ALPK2: variants seen among roughly 807,000 people sequenced by gnomAD.
ALPK2 encodes the protein alpha-protein kinase 2.
A neutral mutation model predicts 163.1 loss-of-function variants in ALPK2; 127 were observed. That is an observed-to-expected ratio of 0.78 (90% CI 0.67 to 0.90). The LOEUF is 0.90. Among genes scored for constraint, ALPK2 ranks in the 40% least tolerant of loss-of-function variants. ALPK2 has a pLI of 0.00. For missense variants in ALPK2, 2,360 were observed against 2,589.6 expected, an observed-to-expected ratio of 0.91 and a Z score of 1.92; for synonymous variants, 953 against 959.1, an observed-to-expected ratio of 0.99 and a Z score of 0.12.
At chr18:58,557,700 ATTTATATTTTGT>A (rs1568084935) in intron 4 of ALPK2, among the ~76,000 whole-genome samples, 371 of 145,514 alleles carry the variant, frequency 2.5e-3, no homozygotes, top group African/African-American at 9.1e-3. Flanking sequence ...ATATATATAT[ATTTATATTTTGT>A]CATTGGATTG....
Position 58,578,998 on chromosome 18 carries a change from C to T in ALPK2, c.1778G>A (p.Arg593Gln), listed in dbSNP as rs759431546. The change falls in exon 4 of 13, where the codon CGG becomes CAG. Residue 593 changes from arginine to glutamine, a missense_variant. By Grantham distance (43) the Arg-to-Gln change is conservative (BLOSUM62 1). Transcript: ENST00000361673. Reference sequence around the variant, plus strand: ...TTCTCTTGCATCAGCATGGGAACTCCGACCAGTCGCTGCTGCTGTGGTGTG... The same window carrying T: ...TTCTCTTGCATCAGCATGGGAACTCTGACCAGTCGCTGCTGCTGTGGTGTG... Reference protein sequence around the residue: ...TSHTTAAATGRSSHADARECA... With the variant: ...TSHTTAAATGQSSHADARECA... 25 of 1,614,068 alleles carry T rather than the reference C, an allele frequency of 1.5e-5. No individual in the cohort carries two copies. The East Asian group carries it at 2.0e-4, about 13-fold the overall frequency.
chr18:58,518,864 A>C (rs562563004), intron 8 of ALPK2, among the ~76,000 whole-genome samples: 2 of 152,190 alleles, frequency 1.3e-5, no homozygotes, highest in African/African-American at 4.8e-5. Context: ...TTTGTTGTAG[A>C]TGCTGTATAA....
chr18:58,593,237 C>G (rs930906930), intron 3 of ALPK2, among the ~76,000 whole-genome samples: 6 of 152,100 alleles, frequency 3.9e-5, no homozygotes, highest in Non-Finnish European at 7.3e-5. Context: ...TTTGCTGTGA[C>G]CCCAAAACTG....
chr18:58,623,866 A>C (rs1349706348), intron 1 of ALPK2, among the ~76,000 whole-genome samples: 2 of 151,918 alleles, frequency 1.3e-5, no homozygotes, highest in Non-Finnish European at 2.9e-5. Context: ...TTTTTTTTAA[A>C]TTTTTTCTGG....
chr18:58,513,557 A>G (rs2051505557), intron 10 of ALPK2, among the ~76,000 whole-genome samples: 1 of 152,170 alleles, frequency 6.6e-6, no homozygotes, highest in African/African-American at 2.4e-5. Context: ...TCAATTATTT[A>G]CAATTTTGTG....
At position 58,511,887 on chromosome 18, in the gene ALPK2, C is replaced by G. The variant is rs534977611; in HGVS notation, c.6029+3106G>C. 8 of 152,334 alleles carry G rather than the reference C, an allele frequency of 5.3e-5. No individual in the cohort carries two copies. In the East Asian group the frequency reaches 1.5e-3, roughly 29 times the overall value. The allele number at this position is 152,334 out of a possible 1,614,324, so 9.4% of individuals were successfully genotyped here. A position where few individuals can be genotyped will look rare whatever the true frequency, so the allele number is the denominator to read the frequency against. On this transcript the variant is annotated intron_variant, in intron 10 of 12. Transcript: ENST00000361673. The stretch of plus-strand genomic sequence containing the variant: ...AGCCAGAACAGTGTCCTTCTAGAAC[C>G]CCACCCCTGGACACAAGGCCCCTCT...
At chr18:58,492,230 A>G (rs1306677246) in intron 12 of ALPK2, among the ~76,000 whole-genome samples, 1 of 152,100 alleles carries the variant, frequency 6.6e-6, no homozygotes, top group Non-Finnish European at 1.5e-5. Flanking sequence ...GCACACACAT[A>G]CACAGGGACA....
chr18:58,531,790 T>C (rs918599172), intron 5 of ALPK2, among the ~76,000 whole-genome samples: 6 of 151,292 alleles, frequency 4.0e-5, no homozygotes, highest in Non-Finnish European at 7.4e-5. Context: ...ATACAAAAAT[T>C]AGCTGGGCAT....
chr18:58,551,432 C>T (rs544171281), intron 4 of ALPK2, among the ~76,000 whole-genome samples: 13 of 152,342 alleles, frequency 8.5e-5, no homozygotes, highest in African/African-American at 3.1e-4. Context: ...CGTGTGTCCT[C>T]TCCTCTTCTT....
intron 3 of ALPK2, among the ~76,000 whole-genome samples, chr18:58,604,857 CCTT>C (rs1356040667): frequency 2.0e-5 from 3 of 152,270 alleles, no homozygotes; most frequent in East Asian, 1.9e-4. Flanking sequence ...CCAAGTTTCT[CCTT>C]CTGCTTTGTA....
At chr18:58,492,306 A>G (rs747362361) in intron 12 of ALPK2, among the ~76,000 whole-genome samples, 1 of 152,024 alleles carries the variant, frequency 6.6e-6, no homozygotes, top group Middle Eastern at 3.2e-3. Context: ...ACACGCACAC[A>G]TTCCCCACAC....
chr18:58,626,012 A>G lies in ALPK2; in HGVS notation c.-21+2752T>C, dbSNP rs186013536. Among the ~76,000 whole-genome samples, 5 of 152,342 alleles carry G rather than the reference A, an allele frequency of 3.3e-5. 1 individual carries two copies. The highest frequency in any genetic ancestry group is 1.2e-4 in the African/African-American group (5 of 41,564). On this transcript the variant is annotated intron_variant, in intron 1 of 12. Transcript: ENST00000361673. ...TTTTCGCCAACCCTAAGATGACGTG[A>G]TTACGTTCTCCCAAGTTGCTTTACA...
intron 3 of ALPK2, among the ~76,000 whole-genome samples, chr18:58,604,381 T>C (rs967915393): frequency 2.0e-5 from 3 of 152,212 alleles, no homozygotes; most frequent in Admixed American, 6.5e-5. Context: ...ATTTAACATA[T>C]TGGTATAAGT....
chr18:58,508,678 C>T (rs922524980), intron 10 of ALPK2, among the ~76,000 whole-genome samples: 4 of 152,112 alleles, frequency 2.6e-5, no homozygotes, highest in African/African-American at 9.7e-5. Context: ...GATAACCACC[C>T]CCATAAAAAG....
intron 4 of ALPK2, among the ~76,000 whole-genome samples, chr18:58,547,947 A>C (rs2051727131): frequency 6.6e-6 from 1 of 152,194 alleles, no homozygotes. Flanking sequence ...TCAAATCAAT[A>C]TCTCTCTTTA....
intron 5 of ALPK2, among the ~76,000 whole-genome samples, chr18:58,533,026 G>C (rs2051624184): frequency 6.6e-6 from 1 of 152,208 alleles, no homozygotes; most frequent in Non-Finnish European, 1.5e-5. Flanking sequence ...CAACCCTTCA[G>C]TGGTCTGGCC....
chr18:58,607,727 C>T (rs1023397120), intron 2 of ALPK2, among the ~76,000 whole-genome samples: 1 of 152,072 alleles, frequency 6.6e-6, no homozygotes, highest in African/African-American at 2.4e-5. Context: ...GAAAAATTTT[C>T]CAATACTTGG....
intron 1 of ALPK2, among the ~76,000 whole-genome samples, chr18:58,623,433 T>C (rs2052212762): frequency 6.6e-6 from 1 of 152,130 alleles, no homozygotes; most frequent in Admixed American, 6.6e-5. Context: ...AAAAGGGCCG[T>C]AGGGTGCAGT....
At chr18:58,506,270 T>C (rs1412111754) in intron 10 of ALPK2, among the ~76,000 whole-genome samples, 1 of 151,844 alleles carries the variant, frequency 6.6e-6, no homozygotes, top group Non-Finnish European at 1.5e-5. Context: ...GGGTGCCATG[T>C]TCACTATTTG....
Sources: allele counts gnomAD v4.1 joint callset (sites outside exome capture counted in the v4.1 genomes callset), GRCh38; gene constraint gnomAD v4.1.1; transcripts MANE v1.5; gene names NCBI Gene and HGNC (gene_info 2026-07-23, HGNC 2026-07-21).